Variants in KLHL1 observed in about 807,000 individuals in gnomAD.
The protein encoded by KLHL1 is kelch like family member 1.
A neutral mutation model predicts 77.7 loss-of-function variants in KLHL1; 47 were observed. That is an observed-to-expected ratio of 0.60 (90% CI 0.48 to 0.77). The LOEUF (loss-of-function observed/expected upper bound fraction) is 0.77, where lower values mean the gene tolerates loss of function less well. Among genes scored for constraint, KLHL1 ranks in the 30% least tolerant of loss-of-function variants. The pLI is 0.00. For synonymous variants in KLHL1, 360 were observed against 325.2 expected (o/e 1.11, Z -1.15); for missense variants, 925 against 910.8 (o/e 1.02, Z -0.20).
intron 7 of KLHL1, among the ~76,000 whole-genome samples, chr13:69,770,222 GC>G (rs1303556188): frequency 2.0e-5 from 3 of 152,186 alleles, no homozygotes; most frequent in Admixed American, 6.5e-5. Context: ...GTCTTGGCAT[GC>G]CTGGTCCAGA....
chr13:70,009,568 G>A (rs1306900211), intron 1 of KLHL1, among the ~76,000 whole-genome samples: 1 of 152,096 alleles, frequency 6.6e-6, no homozygotes, highest in Non-Finnish European at 1.5e-5. Flanking sequence ...GCGACTATAG[G>A]CTTCTTTGTT....
At chr13:69,915,222 C>T (rs1305420032) in intron 4 of KLHL1, among the ~76,000 whole-genome samples, 1 of 152,144 alleles carries the variant, frequency 6.6e-6, no homozygotes, top group Non-Finnish European at 1.5e-5. Context: ...TGACTTTCTT[C>T]ACAGAATTGG....
chr13:70,093,635 C>G (rs573805109), intron 1 of KLHL1, among the ~76,000 whole-genome samples: 1 of 152,062 alleles, frequency 6.6e-6, no homozygotes, highest in East Asian at 1.9e-4. Context: ...GGGGATATTA[C>G]TTAATTTGGC....
At chr13:69,722,330 A>C (rs1160008265) in intron 8 of KLHL1, among the ~76,000 whole-genome samples, 1 of 151,996 alleles carries the variant, frequency 6.6e-6, no homozygotes, top group Non-Finnish European at 1.5e-5. Context: ...AAATTATTTC[A>C]AAAATTATAT....
chr13:70,072,612 C>T (rs1030579028), intron 1 of KLHL1, among the ~76,000 whole-genome samples: 19 of 151,980 alleles, frequency 1.3e-4, no homozygotes, highest in Non-Finnish European at 2.8e-4. Context: ...TAGAACCTAT[C>T]CCAGGCATGC....
intron 1 of KLHL1, among the ~76,000 whole-genome samples, chr13:70,040,322 G>A (rs939422691): frequency 1.3e-5 from 2 of 152,134 alleles, no homozygotes; most frequent in African/African-American, 4.8e-5. Context: ...GAGAGGGAGT[G>A]GGGCAAGGGT....
chr13:69,978,637 C>T (rs1316210213), intron 1 of KLHL1, among the ~76,000 whole-genome samples: 2 of 151,872 alleles, frequency 1.3e-5, no homozygotes, highest in Admixed American at 6.6e-5. Context: ...CAGGCATGCA[C>T]CACCATGCCC....
At chr13:69,912,158 T>C (rs1027353124) in intron 4 of KLHL1, among the ~76,000 whole-genome samples, 11 of 152,260 alleles carry the variant, frequency 7.2e-5, no homozygotes, top group Admixed American at 2.0e-4. Context: ...ATATATAATA[T>C]GGGGTCTTCT....
intron 1 of KLHL1, among the ~76,000 whole-genome samples, chr13:70,066,567 C>T (rs928732446): frequency 6.6e-6 from 1 of 152,194 alleles, no homozygotes; most frequent in African/African-American, 2.4e-5. Flanking sequence ...TTACTACCTC[C>T]ATTTTGGCCA....
At chr13:69,897,594 C>T (rs908457684) in intron 4 of KLHL1, among the ~76,000 whole-genome samples, 2 of 152,124 alleles carry the variant, frequency 1.3e-5, no homozygotes, top group African/African-American at 2.4e-5. Flanking sequence ...CTGGATGTGT[C>T]ACTAAATGCC....
intron 1 of KLHL1, among the ~76,000 whole-genome samples, chr13:70,068,312 G>A (rs373890580): frequency 5.3e-5 from 8 of 151,918 alleles, no homozygotes; most frequent in East Asian, 1.9e-4. Context: ...CTGCACTCCA[G>A]CCTGGGCGAC....
At chr13:69,887,960 A>G (rs1052488790) in intron 4 of KLHL1, among the ~76,000 whole-genome samples, 1 of 152,080 alleles carries the variant, frequency 6.6e-6, no homozygotes, top group Non-Finnish European at 1.5e-5. Flanking sequence ...CTCGGTATCA[A>G]TTTCTGTCTT....
At chr13:69,950,641 A>G (rs1883678496) in intron 3 of KLHL1, among the ~76,000 whole-genome samples, 1 of 151,696 alleles carries the variant, frequency 6.6e-6, no homozygotes, top group Admixed American at 6.6e-5. Flanking sequence ...TAATTTGTCT[A>G]TCTAAGCACC....
intron 1 of KLHL1, among the ~76,000 whole-genome samples, chr13:70,074,322 C>A (rs1285362535): frequency 6.6e-6 from 1 of 152,038 alleles, no homozygotes; most frequent in African/African-American, 2.4e-5. Context: ...TCTGTCTGGT[C>A]CCTCTATAAT....
intron 5 of KLHL1, among the ~76,000 whole-genome samples, chr13:69,855,294 A>AGATAGATAGAT (rs1423217013): frequency 5.4e-5 from 1 of 18,450 alleles, no homozygotes; most frequent in African/African-American, 1.5e-4. Context: ...AATTTTAGAT[A>AGATAGATAGAT]GATAGATAGA....
At chr13:69,942,316 GA>G (rs1258400796) in intron 3 of KLHL1, among the ~76,000 whole-genome samples, 2 of 151,932 alleles carry the variant, frequency 1.3e-5, no homozygotes, top group African/African-American at 4.8e-5. Context: ...TTTGAAATTT[GA>G]ATATAAGACT....
chr13:69,975,161 T>C (rs1884507216), intron 2 of KLHL1, among the ~76,000 whole-genome samples: 1 of 152,024 alleles, frequency 6.6e-6, no homozygotes, highest in Non-Finnish European at 1.5e-5. Context: ...TATAAAAATG[T>C]CAATATGAAA....
chr13:70,027,512 T>C lies in KLHL1; in HGVS notation c.498-51710A>G, dbSNP rs1566511655. The stretch of plus-strand genomic sequence containing the variant: ...AGTTCTATATTGTGGTAGTGTGATG[T>C]GATTGCATTTCATACAGCAAAGGGG... On this transcript the variant is annotated intron_variant, in intron 1 of 10. Transcript: ENST00000377844. Among the ~76,000 whole-genome samples, 4 of 149,898 alleles carry C rather than the reference T, an allele frequency of 2.7e-5. No homozygotes were observed. The South Asian group carries it at 8.4e-4, about 31-fold the overall frequency.
intron 7 of KLHL1, among the ~76,000 whole-genome samples, chr13:69,758,242 A>AT (rs1395469381): frequency 6.6e-6 from 1 of 151,982 alleles, no homozygotes. Flanking sequence ...AGATAAACCA[A>AT]TTTTTACTTT....
Sources: gnomAD v4.1 joint callset for allele counts (sites outside exome capture counted in the v4.1 genomes callset) on GRCh38, gnomAD v4.1.1 for gene constraint, MANE v1.5 for transcripts, NCBI Gene and HGNC (gene_info 2026-07-23, HGNC 2026-07-21) for gene names.